The following CCDC51 variants were observed in gnomAD, a reference collection of about 807,000 sequenced individuals.
CCDC51 encodes mitochondrial potassium channel.
A neutral mutation model predicts 24.8 loss-of-function variants in CCDC51; 25 were observed. The observed-to-expected ratio is 1.01, with a 90% CI of 0.73 to 1.41. The LOEUF is 1.41. Ranked by LOEUF, CCDC51 falls within the 40% of genes most tolerant of loss-of-function variation. CCDC51 has a pLI of 0.00. For synonymous variants in CCDC51, 190 were observed against 204.3 expected (o/e 0.93, Z 0.60); for missense variants, 466 against 519.1 (o/e 0.90, Z 0.99).
At chr3:48,434,386 G>T (rs1038836576) in intron 2 of CCDC51, among the ~76,000 whole-genome samples, 10 of 152,312 alleles carry the variant, frequency 6.6e-5, no homozygotes, top group African/African-American at 2.2e-4. Flanking sequence ...GAACAGAGAT[G>T]ACAGAATGCA....
chr3:48,446,368 G>C, the CCDC51 span: 1 of 154,300 alleles, frequency 6.5e-6, no homozygotes, highest in South Asian at 2.0e-4. Context: ...AAAGCCTAGG[G>C]GTTTGTGGGA....
At chr3:48,440,596 T>C (rs2039535961), upstream of CCDC51, 7 of 1,611,720 alleles carry the variant, frequency 4.3e-6, no homozygotes, top group Non-Finnish European at 5.1e-6. Flanking sequence ...CTCGAGGAGC[T>C]AAAAGCGAAG....
At chr3:48,440,525 C>G (rs767582732), upstream of CCDC51, 1 of 1,609,004 alleles carries the variant, frequency 6.2e-7, no homozygotes, top group South Asian at 1.1e-5. Flanking sequence ...GTTGAACACG[C>G]TCTGCCTCTC....
chr3:48,442,460 T>TC (rs2039593106), upstream of CCDC51, among the ~76,000 whole-genome samples: 1 of 151,122 alleles, frequency 6.6e-6, no homozygotes, highest in African/African-American at 2.4e-5. Flanking sequence ...CACTTTTTTT[T>TC]TTTTTTTTTT....
At chr3:48,445,542 G>A in the CCDC51 span, among the ~76,000 whole-genome samples, 1 of 152,188 alleles carries the variant, frequency 6.6e-6, no homozygotes, top group Non-Finnish European at 1.5e-5. Context: ...CTGAAAGCAA[G>A]TTACTTGGTG....
Position 48,435,879 on chromosome 3 carries a change from C to T in CCDC51, c.-8-743G>A, listed in dbSNP as rs1387554306. Among the ~76,000 whole-genome samples the T allele has an allele frequency of 6.6e-6, 1 of 152,246 alleles. No individual in the cohort carries two copies. Among genetic ancestry groups the T allele is most frequent in the Non-Finnish European group, 1.5e-5 (1 of 68,046 alleles). On this transcript the variant is annotated intron_variant, in intron 1 of 3. Transcript: ENST00000395694. This position sits in a 1 kb window ranked among gnomAD's most constrained non-coding sequence, Gnocchi z 4.2. ...TCCAGGCTACCAACTCTCAGTCTCA[C>T]ACTTCACGACTTCCATAAGCTTTCT...
upstream of CCDC51, among the ~76,000 whole-genome samples, chr3:48,443,111 GC>G (rs967943712): frequency 6.6e-6 from 1 of 151,712 alleles, no homozygotes; most frequent in Non-Finnish European, 1.5e-5. Flanking sequence ...ATGGTGGCAT[GC>G]GCCTTTAGTC....
Position 48,440,057 on chromosome 3 carries a change from C to G in CCDC51, c.-78G>C. 1 of 641,700 alleles carries G rather than the reference C, an allele frequency of 1.6e-6. No individual in the cohort carries two copies. The highest frequency in any genetic ancestry group is 2.9e-5 in the East Asian group (1 of 34,746). 39.8% of individuals were successfully genotyped at this position (641,700 alleles called of 1,614,324 possible). The stretch of plus-strand genomic sequence containing the variant: ...CCGGTTAAGTACCCCTCCTACGGTT[C>G]CGATTCTACCCTGGCAGGACAACCC... On this transcript the variant is annotated 5_prime_UTR_variant, in exon 1 of 4. Transcript: ENST00000395694.
the CCDC51 span, chr3:48,446,591 C>G: frequency 1.1e-5 from 4 of 355,838 alleles, no homozygotes; most frequent in Non-Finnish European, 9.8e-6. Context: ...TCGCGCCGCA[C>G]TGAGTCCTTG....
chr3:48,446,462 G>A, the CCDC51 span: 1 of 172,522 alleles, frequency 5.8e-6, no homozygotes, highest in Non-Finnish European at 1.2e-5. Flanking sequence ...CGCAACACGC[G>A]TGAATGCTAG....
upstream of CCDC51, among the ~76,000 whole-genome samples, chr3:48,444,567 C>G (rs1452106994): frequency 6.6e-6 from 1 of 152,206 alleles, no homozygotes; most frequent in Non-Finnish European, 1.5e-5. Context: ...GCCACTGTGC[C>G]TGACCAGAAT....
upstream of CCDC51, among the ~76,000 whole-genome samples, chr3:48,442,217 C>T (rs139675250): frequency 1.7e-4 from 25 of 149,664 alleles, no homozygotes; most frequent in South Asian, 2.3e-3. Flanking sequence ...GCTGGGATTG[C>T]GCCACTGTAT....
At chr3:48,436,881 C>A (rs980503104) in intron 1 of CCDC51, among the ~76,000 whole-genome samples, 1 of 152,238 alleles carries the variant, frequency 6.6e-6, no homozygotes, top group African/African-American at 2.4e-5. Flanking sequence ...CCGTCCCCCA[C>A]CCCCATGTTC....
chr3:48,436,514 C>T (rs2107139252), intron 1 of CCDC51, among the ~76,000 whole-genome samples: 1 of 152,348 alleles, frequency 6.6e-6, no homozygotes. Flanking sequence ...ACCCCTGGGC[C>T]CCCTTCATAA....
chr3:48,439,669 C>T (rs914270307), intron 1 of CCDC51, among the ~76,000 whole-genome samples: 4 of 152,146 alleles, frequency 2.6e-5, no homozygotes, highest in Non-Finnish European at 5.9e-5. Context: ...TGATATATAA[C>T]TTGCATACCA....
At chr3:48,441,696 C>G (rs1344129136), upstream of CCDC51, among the ~76,000 whole-genome samples, 1 of 152,128 alleles carries the variant, frequency 6.6e-6, no homozygotes, top group African/African-American at 2.4e-5. Flanking sequence ...ATTTTTCAGG[C>G]CCAGCAGTTC....
At position 48,432,690 on chromosome 3, in the gene CCDC51, T is replaced by C; in HGVS notation, c.954A>G (p.Glu318=). 6.2e-7 allele frequency: 1 copy of C among 1,614,226 alleles called. No homozygotes were observed. The change falls in exon 4 of 4, where the codon GAA becomes GAG. Residue 318 remains glutamate (E), a synonymous_variant. Transcript: ENST00000395694. Reference sequence around the variant, plus strand: ...GGCCATCAAGCTGCTCTCGTAAGCCTTCTAGACATGAATGGACTTGCCTGG... The same window carrying C: ...GGCCATCAAGCTGCTCTCGTAAGCCCTCTAGACATGAATGGACTTGCCTGG... The part of the protein sequence containing the change: ...SHSRQVHSCL[E]GLREQLDGLE...
chr3:48,432,743 C>T lies in CCDC51; in HGVS notation c.901G>A (p.Ala301Thr), dbSNP rs1404184558. 1.2e-6 allele frequency: 2 copies of T among 1,614,186 alleles called. No homozygotes were observed. The highest frequency in any genetic ancestry group is 1.7e-6 in the Non-Finnish European group (2 of 1,180,044). The change falls in exon 4 of 4, where the codon GCT becomes ACT. Residue 301 changes from alanine (A) to threonine (T), a missense_variant. Physicochemically the swap from Ala to Thr is moderately conservative, Grantham distance 58. Coordinates refer to ENST00000395694, the MANE Select transcript of CCDC51 (RefSeq NM_001256964.2). ...TGACTAAGCTGCTCTTTCAAGGCAG[C>T]TGAAAGGACATCTACATCTCTGTCT... is the stretch of plus-strand genomic sequence containing the variant. The part of the protein sequence containing the change: ...TRDRDVDVLS[A>T]ALKEQLSHSR...
At chr3:48,440,546 T>C, upstream of CCDC51, 1 of 1,611,222 alleles carries the variant, frequency 6.2e-7, no homozygotes, top group Non-Finnish European at 8.5e-7. Flanking sequence ...CCCAGGAAGA[T>C]AAGGCTTTCA....
Sources: allele counts gnomAD v4.1 joint callset (sites outside exome capture counted in the v4.1 genomes callset), GRCh38; gene constraint gnomAD v4.1.1; non-coding constraint Gnocchi (gnomAD v3.1); transcripts MANE v1.5; gene names NCBI Gene and HGNC (gene_info 2026-07-23, HGNC 2026-07-21).